EIF4E3: variants seen among roughly 807,000 people sequenced by gnomAD.
EIF4E3 encodes eukaryotic translation initiation factor 4E type 3.
Under a neutral mutation model 31.7 loss-of-function variants are expected in EIF4E3, and 26 were observed. The ratio of observed to expected loss-of-function variants is 0.82; its 90% CI spans 0.60 to 1.14. The LOEUF (loss-of-function observed/expected upper bound fraction) is 1.14. EIF4E3 is among the 50% of genes most tolerant of loss of function. EIF4E3 has a pLI of 0.00. For missense variants in EIF4E3, 304 were observed against 270.9 expected, an observed-to-expected ratio of 1.12 and a Z score of -0.86; for synonymous variants, 128 against 107.7, an observed-to-expected ratio of 1.19 and a Z score of -1.17.
chr3:71,699,739 T>C (rs778336404), intron 2 of EIF4E3, 31 bp from the exon 3 acceptor site: 72 of 1,530,688 alleles, frequency 4.7e-5, no homozygotes, highest in Non-Finnish European at 6.4e-5. Context: ...CTTTGTTTAA[T>C]ATACCCAGTA....
chr3:71,684,974 G>C (rs960448877), intron 6 of EIF4E3, among the ~76,000 whole-genome samples: 6 of 152,134 alleles, frequency 3.9e-5, no homozygotes, highest in Non-Finnish European at 5.9e-5. Flanking sequence ...GTTTCTTCTT[G>C]CTGTGCCTGG....
chr3:71,738,014 T>C (rs986916769), intron 1 of EIF4E3, among the ~76,000 whole-genome samples: 4 of 152,134 alleles, frequency 2.6e-5, no homozygotes, highest in African/African-American at 9.7e-5. Context: ...ACCCTGAACA[T>C]TATATAAAAT....
Position 71,751,905 on chromosome 3 carries a change from T to C in EIF4E3, c.-291+1558A>G, listed in dbSNP as rs971696592. ...CAGCAACTACTGACCTCCAAACTTC[T>C]TCTTTCACGAGGAAAATAAACTCAT... On this transcript the variant is annotated intron_variant, in intron 1 of 7. Coordinates refer to the EIF4E3 transcript ENST00000295612. Among the ~76,000 whole-genome samples the C allele has an allele frequency of 2.6e-5, 4 of 152,196 alleles. No individual in the cohort carries two copies. In the East Asian group the frequency reaches 7.7e-4, roughly 29 times the overall value.
At chr3:71,674,500 C>T (rs372122703), downstream of EIF4E3, among the ~76,000 whole-genome samples, 11 of 152,250 alleles carry the variant, frequency 7.2e-5, no homozygotes, top group Non-Finnish European at 1.3e-4. Flanking sequence ...GGCAAATCAA[C>T]GCAGAAGTCA....
At chr3:71,709,033 G>A (rs2049336301) in intron 2 of EIF4E3, among the ~76,000 whole-genome samples, 1 of 152,038 alleles carries the variant, frequency 6.6e-6, no homozygotes, top group African/African-American at 2.4e-5. Flanking sequence ...AGATTCCTGG[G>A]ACTTCATAAT....
At chr3:71,668,177 G>A in the EIF4E3 span, among the ~76,000 whole-genome samples, 1 of 152,154 alleles carries the variant, frequency 6.6e-6, no homozygotes, top group African/African-American at 2.4e-5. Flanking sequence ...TTAATAAATA[G>A]TGTTGCGAAA....
At chr3:71,690,825 T>C (rs2049054155) in intron 5 of EIF4E3, among the ~76,000 whole-genome samples, 1 of 152,226 alleles carries the variant, frequency 6.6e-6, no homozygotes. Context: ...GACCATCTGT[T>C]AGCACTGTGT....
At chr3:71,712,825 G>A (rs1394663492) in intron 1 of EIF4E3, among the ~76,000 whole-genome samples, 1 of 141,366 alleles carries the variant, frequency 7.1e-6, no homozygotes, top group Non-Finnish European at 1.5e-5. Context: ...CAAACACAAT[G>A]TGAGGATAAT....
the EIF4E3 span, among the ~76,000 whole-genome samples, chr3:71,661,266 G>T: frequency 7.9e-5 from 12 of 152,206 alleles, no homozygotes; most frequent in African/African-American, 2.6e-4. Context: ...TTACGTTTCT[G>T]GAGGAGAGGG....
chr3:71,689,938 G>C, intron 6 of EIF4E3, 72 bp downstream of exon 6: 1 of 1,338,622 alleles, frequency 7.5e-7, no homozygotes, highest in South Asian at 2.3e-5. Context: ...CACCACATTT[G>C]CAAAACAGTT....
At chr3:71,724,127 A>C (rs2049591895) in intron 1 of EIF4E3, among the ~76,000 whole-genome samples, 1 of 152,216 alleles carries the variant, frequency 6.6e-6, no homozygotes, top group Non-Finnish European at 1.5e-5. Flanking sequence ...GCCAGAATAG[A>C]CACGGTTTCA....
chr3:71,718,454 G>A (rs2049498101), intron 1 of EIF4E3, among the ~76,000 whole-genome samples: 1 of 152,150 alleles, frequency 6.6e-6, no homozygotes, highest in South Asian at 2.1e-4. Flanking sequence ...CTATCTTACA[G>A]CTCTTTAACA....
chr3:71,701,655 AG>A (rs2049218241), intron 2 of EIF4E3, among the ~76,000 whole-genome samples: 1 of 152,226 alleles, frequency 6.6e-6, no homozygotes, highest in Non-Finnish European at 1.5e-5. Flanking sequence ...TCATGAACTG[AG>A]TCACATGGGT....
chr3:71,698,727 C>T (rs1578345772), intron 3 of EIF4E3, among the ~76,000 whole-genome samples: 1 of 152,288 alleles, frequency 6.6e-6, no homozygotes, highest in East Asian at 1.9e-4. Flanking sequence ...GGTAAACTTA[C>T]AGGGTGTAAG....
At chr3:71,753,689 G>T, upstream of EIF4E3, 1 of 149,334 alleles carries the variant, frequency 6.7e-6, no homozygotes, top group Non-Finnish European at 1.5e-5. Context: ...CAGCGGCGGC[G>T]GCGGGCCCGG....
chr3:71,750,923 C>G (rs1458008549), intron 1 of EIF4E3, among the ~76,000 whole-genome samples: 2 of 151,856 alleles, frequency 1.3e-5, no homozygotes, highest in African/African-American at 4.8e-5. Flanking sequence ...GCCACCATGC[C>G]CAGCTAATTT....
At chr3:71,667,757 C>T in the EIF4E3 span, among the ~76,000 whole-genome samples, 3 of 152,248 alleles carry the variant, frequency 2.0e-5, no homozygotes, top group African/African-American at 7.2e-5. Context: ...TAAGAGAGCA[C>T]ACAAACAAAT....
At chr3:71,743,554 T>A (rs1327520260) in intron 1 of EIF4E3, among the ~76,000 whole-genome samples, 1 of 152,124 alleles carries the variant, frequency 6.6e-6, no homozygotes, top group African/African-American at 2.4e-5. Flanking sequence ...CTCCCCAAAC[T>A]GATCTAGACA....
At chr3:71,693,035 C>T (rs562766092) in intron 5 of EIF4E3, among the ~76,000 whole-genome samples, 1 of 152,288 alleles carries the variant, frequency 6.6e-6, no homozygotes, top group South Asian at 2.1e-4. Flanking sequence ...ACGGCCCCAT[C>T]TAAGACATCT....
Sources: gnomAD v4.1 joint callset for allele counts (sites outside exome capture counted in the v4.1 genomes callset) on GRCh38, gnomAD v4.1.1 for gene constraint, MANE v1.5 for transcripts, NCBI Gene and HGNC (gene_info 2026-07-23, HGNC 2026-07-21) for gene names.